MIPOL1: variants seen among roughly 807,000 people sequenced by gnomAD.
MIPOL1 encodes the protein mirror-image polydactyly gene 1 protein.
MIPOL1 carries 57 observed loss-of-function variants against 60.9 expected under a neutral mutation model. That is an observed-to-expected ratio of 0.94 (90% confidence interval 0.76 to 1.17). The LOEUF (loss-of-function observed/expected upper bound fraction) is 1.17. Among genes scored for constraint, MIPOL1 ranks in the 50% most tolerant of loss-of-function variants. The pLI is 0.00. For missense variants in MIPOL1, 551 were observed against 511.6 expected (o/e 1.08, Z -0.74); for synonymous variants, 179 against 168.8 (o/e 1.06, Z -0.47).
intron 1 of MIPOL1, among the ~76,000 whole-genome samples, chr14:37,201,342 T>G (rs1965309374): frequency 6.6e-6 from 1 of 152,174 alleles, no homozygotes; most frequent in Non-Finnish European, 1.5e-5. Flanking sequence ...TTTTTACTTC[T>G]CCCACTTTCT....
chr14:37,274,747 A>G (rs553208804), intron 6 of MIPOL1, among the ~76,000 whole-genome samples: 1 of 151,408 alleles, frequency 6.6e-6, no homozygotes, highest in Non-Finnish European at 1.5e-5. Flanking sequence ...GGTTGTTGTG[A>G]TGCTTAAGTG....
At chr14:37,321,290 CATT>C (rs1378721770) in intron 9 of MIPOL1, among the ~76,000 whole-genome samples, 10 of 151,924 alleles carry the variant, frequency 6.6e-5, no homozygotes, top group African/African-American at 1.4e-4. Flanking sequence ...ATATGTGTCT[CATT>C]ATTATATATG....
intron 1 of MIPOL1, among the ~76,000 whole-genome samples, chr14:37,203,166 TAAAG>T (rs2139130978): frequency 6.6e-6 from 1 of 152,328 alleles, no homozygotes; most frequent in East Asian, 1.9e-4. Context: ...GAGACTATCA[TAAAG>T]AGAAGATAGA....
At chr14:37,519,412 C>T (rs994126422) in intron 12 of MIPOL1, among the ~76,000 whole-genome samples, 5 of 152,080 alleles carry the variant, frequency 3.3e-5, no homozygotes, top group East Asian at 3.8e-4. Context: ...AAAGAAACTA[C>T]GAGGTAAAGA....
intron 10 of MIPOL1, among the ~76,000 whole-genome samples, chr14:37,371,136 T>G (rs2092626109): frequency 6.6e-6 from 1 of 152,010 alleles, no homozygotes; most frequent in Admixed American, 6.6e-5. Flanking sequence ...TTTTTTTTTT[T>G]TTTGAGACAG....
In MIPOL1 at chr14:37,267,740, CCTTT is replaced by C. The variant is rs1294526948; in HGVS notation, c.251+576_251+579del. ...TTTTATTCAATATTATTTTCTGTGA[CCTTT>C]CTTTATGTATTTGGAAATAACTGTT... On this transcript the variant is annotated intron_variant, in intron 4 of 12. Coordinates refer to ENST00000684589, the MANE Select transcript of MIPOL1 (RefSeq NM_001388067.1). 7.9e-5 allele frequency among the ~76,000 whole-genome samples: 12 copies of C among 152,186 alleles called. No homozygotes were observed. In the South Asian group the frequency reaches 1.0e-3, roughly 13 times the overall value.
chr14:37,319,483 T>C (rs2153445231), intron 9 of MIPOL1, among the ~76,000 whole-genome samples: 1 of 152,236 alleles, frequency 6.6e-6, no homozygotes, highest in East Asian at 1.9e-4. Flanking sequence ...AAAGTGCTAC[T>C]CTTGAGGAAG....
chr14:37,242,715 G>A (rs898025511), intron 1 of MIPOL1, among the ~76,000 whole-genome samples: 2 of 152,090 alleles, frequency 1.3e-5, no homozygotes, highest in Non-Finnish European at 2.9e-5. Flanking sequence ...CTCTTCTAAG[G>A]ATAGAGAGAT....
intron 11 of MIPOL1, among the ~76,000 whole-genome samples, chr14:37,468,970 T>C (rs2094639232): frequency 1.3e-5 from 2 of 152,174 alleles, no homozygotes; most frequent in African/African-American, 4.8e-5. Context: ...AGAAAAGCTT[T>C]GTAAATGAGG....
intron 11 of MIPOL1, among the ~76,000 whole-genome samples, chr14:37,484,463 G>C (rs369367367): frequency 4.7e-5 from 7 of 150,452 alleles, no homozygotes; most frequent in African/African-American, 1.7e-4. Flanking sequence ...TCAGTCTCCT[G>C]AGTAGCTGGG....
chr14:37,482,750 A>G (rs2094890331), intron 11 of MIPOL1, among the ~76,000 whole-genome samples: 1 of 152,188 alleles, frequency 6.6e-6, no homozygotes, highest in African/African-American at 2.4e-5. Context: ...GTGGGGACAC[A>G]AAGCCTAACC....
chr14:37,262,619 A>G lies in MIPOL1; in HGVS notation c.20-4319A>G, dbSNP rs1487979706. The stretch of plus-strand genomic sequence containing the variant: ...CAAGTATCAGGGAGCACATTAACAA[A>G]CTGCCTTTACTATGTTCATTTTAGA... On this transcript the variant is annotated intron_variant, in intron 3 of 12. Transcript: ENST00000684589. Among the ~76,000 whole-genome samples the G allele has an allele frequency of 3.3e-5, 5 of 152,174 alleles. No homozygotes were observed. The East Asian group carries it at 9.6e-4, about 29-fold the overall frequency.
chr14:37,215,491 C>T (rs1224167162), intron 1 of MIPOL1, among the ~76,000 whole-genome samples: 1 of 151,636 alleles, frequency 6.6e-6, no homozygotes, highest in Non-Finnish European at 1.5e-5. Context: ...AATGGATACA[C>T]AAAAAAATAA....
chr14:37,246,109 A>G lies in MIPOL1; in HGVS notation c.-198-994A>G, dbSNP rs150262357. Reference sequence around the variant, plus strand: ...TTAGATCATTATTTAAAGTCATAACAGTATTGAATATTTTGTTTTACATTT... The same window carrying G: ...TTAGATCATTATTTAAAGTCATAACGGTATTGAATATTTTGTTTTACATTT... On this transcript the variant is annotated intron_variant, in intron 1 of 12. Coordinates refer to ENST00000684589, the MANE Select transcript of MIPOL1 (RefSeq NM_001388067.1). 4.2e-3 allele frequency among the ~76,000 whole-genome samples: 637 copies of G among 152,228 alleles called. 5 individuals are homozygous for G. Among genetic ancestry groups the G allele is most frequent in the African/African-American group, 0.014 (593 of 41,550 alleles).
At chr14:37,539,868 A>G (rs1447780163) in intron 12 of MIPOL1, among the ~76,000 whole-genome samples, 1 of 152,176 alleles carries the variant, frequency 6.6e-6, no homozygotes, top group Non-Finnish European at 1.5e-5. Context: ...ATTGAATTGT[A>G]GTTCCCATAA....
At chr14:37,471,057 A>G (rs1423099294) in intron 11 of MIPOL1, among the ~76,000 whole-genome samples, 1 of 152,200 alleles carries the variant, frequency 6.6e-6, no homozygotes, top group Non-Finnish European at 1.5e-5. Context: ...CAATGTATCC[A>G]TGTAGCAAAA....
Position 37,268,739 on chromosome 14 carries a change from G to A in MIPOL1, c.333G>A (p.Lys111=). 6.3e-7 allele frequency: 1 copy of A among 1,596,548 alleles called. No homozygotes were observed. Among genetic ancestry groups the A allele is most frequent in the South Asian group, 1.1e-5 (1 of 89,192 alleles). ...TTACTTCAGACTCAGATAAAGAGAA[G>A]ACAATAGCATTTCTTCTAAAAGAAT... is the stretch of plus-strand genomic sequence containing the variant. The part of the protein sequence containing the change: ...CQVTSDSDKE[K]TIAFLLKELD... The change falls in exon 5 of 13, where the codon AAG becomes AAA. Residue 111 remains lysine (K), a synonymous_variant. Transcript: ENST00000684589.
chr14:37,357,345 C>G (rs969274407), intron 9 of MIPOL1, among the ~76,000 whole-genome samples: 3 of 152,018 alleles, frequency 2.0e-5, no homozygotes, highest in African/African-American at 7.3e-5. Flanking sequence ...GCTTTGGTTG[C>G]CTGTGCTTGT....
At chr14:37,388,361 CT>C (rs2093133476) in intron 10 of MIPOL1, among the ~76,000 whole-genome samples, 1 of 151,794 alleles carries the variant, frequency 6.6e-6, no homozygotes, top group African/African-American at 2.4e-5. Flanking sequence ...ATAGTATTTG[CT>C]TGTTTCAAGG....
Sources: gnomAD v4.1 joint callset for allele counts (sites outside exome capture counted in the v4.1 genomes callset) on GRCh38, gnomAD v4.1.1 for gene constraint, MANE v1.5 for transcripts, NCBI Gene and HGNC (gene_info 2026-07-23, HGNC 2026-07-21) for gene names.